Variants in POC5 observed in about 807,000 individuals in gnomAD.
The protein encoded by POC5 is centrosomal protein POC5.
In POC5, 48 loss-of-function variants were observed where a neutral mutation model predicts 62.9. The observed-to-expected ratio is 0.76, with a 90% CI of 0.61 to 0.97. The LOEUF (loss-of-function observed/expected upper bound fraction) is 0.97. Among genes scored for constraint, POC5 ranks in the 50% least tolerant of loss-of-function variants. POC5 has a pLI of 0.00. For synonymous variants in POC5, 236 were observed against 228.2 expected (o/e 1.03, Z -0.31); for missense variants, 696 against 679.5 (o/e 1.02, Z -0.27).
Position 75,712,920 on chromosome 5 carries a change from C to T in POC5, c.18G>A (p.Glu6=). MSSDE[E]KYSLPVVQND... is the part of the protein sequence containing the mutation. ...TTTGCACAACTGGAAGTGAGTATTT[C>T]TCCTCATCTGATGACATTCTGCACA... The change falls in exon 2 of 12, where the codon GAG becomes GAA. Residue 6 remains glutamate (E), a synonymous_variant. Transcript: ENST00000428202. 6.2e-7 allele frequency: 1 copy of T among 1,611,846 alleles called. No homozygotes were observed. Among genetic ancestry groups the T allele is most frequent in the Non-Finnish European group, 8.5e-7 (1 of 1,178,770 alleles).
chr5:75,711,507 GA>G (rs1377940124), intron 2 of POC5, among the ~76,000 whole-genome samples: 1 of 152,234 alleles, frequency 6.6e-6, no homozygotes, highest in African/African-American at 2.4e-5. Context: ...ATTTATTTAT[GA>G]GGGGCTTTTG....
At chr5:75,695,854 T>G (rs370654089) in intron 5 of POC5, among the ~76,000 whole-genome samples, 2 of 151,832 alleles carry the variant, frequency 1.3e-5, no homozygotes, top group East Asian at 3.9e-4. Context: ...AGTGGGTGCA[T>G]GCACCGTGCG....
intron 5 of POC5, among the ~76,000 whole-genome samples, chr5:75,702,086 A>G (rs561812816): frequency 6.6e-6 from 1 of 152,200 alleles, no homozygotes; most frequent in Non-Finnish European, 1.5e-5. Context: ...CTGAACCAGT[A>G]GCAACACCTG....
chr5:75,682,245 C>T (rs1775895321), intron 10 of POC5, among the ~76,000 whole-genome samples: 2 of 152,210 alleles, frequency 1.3e-5, no homozygotes, highest in South Asian at 4.1e-4. Flanking sequence ...GCTAAGCAAA[C>T]TCATTCATTC....
chr5:75,679,267 GGCTTA>G (rs1423456773), intron 10 of POC5, among the ~76,000 whole-genome samples: 7 of 151,990 alleles, frequency 4.6e-5, no homozygotes, highest in Non-Finnish European at 7.4e-5. Context: ...TACTTATTTT[GGCTTA>G]GCTTATTAAA....
intron 10 of POC5, among the ~76,000 whole-genome samples, chr5:75,682,352 G>T (rs182282850): frequency 1.3e-5 from 2 of 152,296 alleles, no homozygotes; most frequent in East Asian, 3.9e-4. Context: ...AGCTCCGCGT[G>T]TGTTAACTGC....
chr5:75,704,978 T>G (rs538792202), intron 4 of POC5, among the ~76,000 whole-genome samples: 29 of 152,318 alleles, frequency 1.9e-4, no homozygotes, highest in African/African-American at 6.7e-4. Context: ...GGCAAGTGGA[T>G]CACTTGATCT....
rs747448652 is a variant in POC5 at position 75,712,843 on chromosome 5, T to C, written c.84+11A>G. ...AAAAAAGTCATGGTAAATTTAGAAA[T>C]TTTTTCCTACCTGAAGATTCGAAGA... On this transcript the variant is annotated intron_variant, in intron 2 of 11. Coordinates refer to ENST00000428202, the MANE Select transcript of POC5 (RefSeq NM_001099271.2). 19 of 1,585,400 alleles carry C rather than the reference T, an allele frequency of 1.2e-5. No homozygotes were observed. In the East Asian group the frequency reaches 2.0e-4, roughly 17 times the overall value.
At position 75,689,459 on chromosome 5, in the gene POC5, T is replaced by A. The variant is rs1561467118; in HGVS notation, c.976-294A>T. On this transcript the variant is annotated intron_variant, in intron 8 of 11. Transcript: ENST00000428202. ...TTTCACAAAAAGATACACCATTTTTTACTGTAAAACTTTTATGTAGGATGT... is the reference window on the plus strand; with the variant it reads ...TTTCACAAAAAGATACACCATTTTTAACTGTAAAACTTTTATGTAGGATGT... 3.0e-6 allele frequency: 3 copies of A among 984,766 alleles called. No individual in the cohort carries two copies. In the East Asian group the frequency reaches 3.4e-4, roughly 111 times the overall value. The allele number at this position is 984,766 out of a possible 1,614,324, so 61.0% of individuals were successfully genotyped here.
chr5:75,695,676 C>A (rs1776537188), intron 5 of POC5, among the ~76,000 whole-genome samples: 1 of 151,630 alleles, frequency 6.6e-6, no homozygotes, highest in South Asian at 2.1e-4. Context: ...AAACAAAAAA[C>A]AAAAAAACAA....
chr5:75,689,270 A>G, intron 8 of POC5, 105 bp from the exon 9 acceptor site: 1 of 1,385,454 alleles, frequency 7.2e-7, no homozygotes, highest in Non-Finnish European at 9.3e-7. Context: ...GAAATATTAA[A>G]AAGTTTGTCA....
rs1742644083 is a variant in POC5, at chr5:75,717,334, C to T, written c.-43G>A. 1 of 152,290 alleles carries T rather than the reference C, an allele frequency of 6.6e-6. No individual in the cohort carries two copies. Among genetic ancestry groups the T allele is most frequent in the Non-Finnish European group, 1.5e-5 (1 of 68,082 alleles). The allele number at this position is 152,290 out of a possible 1,614,324, so 9.4% of individuals were successfully genotyped here. On this transcript the variant is annotated 5_prime_UTR_variant, in exon 1 of 12. Coordinates refer to ENST00000428202, the MANE Select transcript of POC5 (RefSeq NM_001099271.2). Reference sequence around the variant, plus strand: ...CGCCGCTCGCGACCAAATCCCGACTCCTCGCTCTGCGCCTCTTAGCCGCGT... The same window carrying T: ...CGCCGCTCGCGACCAAATCCCGACTTCTCGCTCTGCGCCTCTTAGCCGCGT...
chr5:75,717,240 A>T (rs1742635546), intron 1 of POC5, 66 bp downstream of exon 1: 1 of 152,030 alleles, frequency 6.6e-6, no homozygotes, highest in Non-Finnish European at 1.5e-5. Flanking sequence ...GGAACTTTAA[A>T]TCTCCCTCCA....
Position 75,685,190 on chromosome 5 carries a change from G to A in POC5, c.1407+17C>T. ...CCGCCCTTTTCATAAGGTGGGACCT[G>A]TATAAACTGTACTAACCATTTCTTC... On this transcript the variant is annotated intron_variant, in intron 10 of 11. Coordinates refer to ENST00000428202, the MANE Select transcript of POC5 (RefSeq NM_001099271.2). 1 of 1,586,304 alleles carries A rather than the reference G, an allele frequency of 6.3e-7. No homozygotes were observed. Among genetic ancestry groups the A allele is most frequent in the Non-Finnish European group, 8.6e-7 (1 of 1,166,116 alleles).
intron 2 of POC5, chr5:75,712,531 G>A: frequency 7.5e-7 from 1 of 1,335,334 alleles, no homozygotes. Context: ...CATTAAAAGT[G>A]AAAGTAGCAT....
intron 1 of POC5, among the ~76,000 whole-genome samples, chr5:75,716,567 A>G (rs1332122519): frequency 3.3e-5 from 5 of 152,240 alleles, no homozygotes; most frequent in South Asian, 4.1e-4. Context: ...ACTCTAGAAC[A>G]GTAGCATTTT....
intron 5 of POC5, 97 bp from the exon 6 acceptor site, chr5:75,694,928 A>G (rs912821065): frequency 3.4e-6 from 3 of 875,584 alleles, no homozygotes; most frequent in Admixed American, 6.8e-5. Context: ...AATCAGAACA[A>G]GCATCAACAC....
intron 1 of POC5, among the ~76,000 whole-genome samples, chr5:75,714,169 C>A: frequency 6.6e-6 from 1 of 152,138 alleles, no homozygotes; most frequent in East Asian, 1.9e-4. Flanking sequence ...CACCTGAGGT[C>A]AGGAGTTTGA....
At chr5:75,706,598 C>T (rs1210605264) in intron 3 of POC5, among the ~76,000 whole-genome samples, 1 of 151,192 alleles carries the variant, frequency 6.6e-6, no homozygotes, top group African/African-American at 2.4e-5. Context: ...GAGTCTTGCT[C>T]TGTTGCCTAG....
Sources: allele counts gnomAD v4.1 joint callset (sites outside exome capture counted in the v4.1 genomes callset), GRCh38; gene constraint gnomAD v4.1.1; transcripts MANE v1.5; gene names NCBI Gene and HGNC (gene_info 2026-07-23, HGNC 2026-07-21).